Variants in E2F6 observed in about 807,000 individuals in gnomAD.
E2F6 encodes E2F transcription factor 6, also known as transcription factor E2F6.
In E2F6, 19 loss-of-function variants were observed where a neutral mutation model predicts 31.5. The observed-to-expected ratio is 0.60, with a 90% confidence interval of 0.42 to 0.89. The LOEUF (loss-of-function observed/expected upper bound fraction) is 0.89, where lower values mean the gene tolerates loss of function less well. Among genes scored for constraint, E2F6 ranks in the 40% least tolerant of loss-of-function variants. E2F6 has a pLI of 0.00. For synonymous variants in E2F6, 121 were observed against 127.7 expected (o/e 0.95, Z 0.36); for missense variants, 269 against 341.6 (o/e 0.79, Z 1.67).
chr2:11,457,307 A>T, intron 1 of E2F6, 74 bp from the exon 2 acceptor site: 1 of 916,776 alleles, frequency 1.1e-6, no homozygotes, highest in South Asian at 1.4e-5. Context: ...TTTACTCAAT[A>T]GTATAAAGGT....
intron 2 of E2F6, among the ~76,000 whole-genome samples, chr2:11,454,682 C>A (rs1005856115): frequency 1.3e-5 from 2 of 151,884 alleles, no homozygotes; most frequent in African/African-American, 2.4e-5. Context: ...ATATTCACTA[C>A]CCTATATTAA....
chr2:11,462,791 T>A (rs1445100566), intron 1 of E2F6, among the ~76,000 whole-genome samples: 1 of 152,206 alleles, frequency 6.6e-6, no homozygotes, highest in East Asian at 1.9e-4. Flanking sequence ...GCTCAAGATT[T>A]CATGACACTA....
intron 1 of E2F6, among the ~76,000 whole-genome samples, chr2:11,459,919 G>A (rs1045673093): frequency 5.3e-5 from 8 of 152,124 alleles, no homozygotes; most frequent in Non-Finnish European, 1.2e-4. Flanking sequence ...CAGATTGTTT[G>A]CATGCTAGCT....
chr2:11,451,575 C>A, intron 4 of E2F6, 76 bp downstream of exon 4: 1 of 1,376,670 alleles, frequency 7.3e-7, no homozygotes. Context: ...TAAATTAAGT[C>A]CCCAAGCTGA....
At chr2:11,456,140 T>C (rs1671391528) in intron 2 of E2F6, among the ~76,000 whole-genome samples, 1 of 152,236 alleles carries the variant, frequency 6.6e-6, no homozygotes, top group Non-Finnish European at 1.5e-5. Context: ...CTACCCATTC[T>C]CTACTGCCTT....
At chr2:11,451,839 C>G in intron 3 of E2F6, 33 bp from the exon 4 acceptor site, 1 of 1,581,366 alleles carries the variant, frequency 6.3e-7, no homozygotes, top group Non-Finnish European at 8.6e-7. Flanking sequence ...GCATCAATAC[C>G]AACTAGGAGA....
At chr2:11,465,178 C>CAAAAAAAAAAAAAAAAAAAAAAAA (rs59561027) in intron 1 of E2F6, among the ~76,000 whole-genome samples, 3 of 88,592 alleles carry the variant, frequency 3.4e-5, no homozygotes, top group African/African-American at 4.7e-5. Flanking sequence ...AACTCAATCT[C>CAAAAAAAAAAAAAAAAAAAAAAAA]AAAAAAAAAA....
chr2:11,457,007 G>C, intron 2 of E2F6, 172 bp downstream of exon 2: 1 of 588,054 alleles, frequency 1.7e-6, no homozygotes, highest in South Asian at 2.0e-5. Flanking sequence ...TTGTGCACAT[G>C]ATTCAACCCA....
At chr2:11,454,477 T>C (rs1671277902) in intron 2 of E2F6, among the ~76,000 whole-genome samples, 1 of 151,888 alleles carries the variant, frequency 6.6e-6, no homozygotes, top group African/African-American at 2.4e-5. Flanking sequence ...CCGGAGTAGC[T>C]GGGATTACAG....
At chr2:11,465,683 C>G (rs959356576) in intron 1 of E2F6, 89 bp downstream of exon 1, 266 of 1,393,940 alleles carry the variant, frequency 1.9e-4, no homozygotes, top group Admixed American at 3.2e-4. Context: ...ACGACCCAGA[C>G]GACGGCCAGC....
chr2:11,450,537 C>T (rs1441624886), intron 4 of E2F6, among the ~76,000 whole-genome samples: 1 of 151,974 alleles, frequency 6.6e-6, no homozygotes, highest in Non-Finnish European at 1.5e-5. Flanking sequence ...ACACTCAGGG[C>T]TTTGACAAGA....
chr2:11,451,196 A>T (rs564894009), intron 4 of E2F6: 1 of 152,542 alleles, frequency 6.6e-6, no homozygotes, highest in Admixed American at 6.5e-5. Context: ...AAAAATGAAT[A>T]CTCACCATTT....
chr2:11,451,495 C>T, intron 4 of E2F6, 156 bp downstream of exon 4: 1 of 661,628 alleles, frequency 1.5e-6, no homozygotes, highest in Non-Finnish European at 2.3e-6. Flanking sequence ...GGATTACAGC[C>T]ATGTGTGCCA....
At chr2:11,452,842 G>C (rs1671157875) in intron 3 of E2F6, among the ~76,000 whole-genome samples, 1 of 152,126 alleles carries the variant, frequency 6.6e-6, no homozygotes. Flanking sequence ...TAGTAAACAT[G>C]CTCAAATTAG....
intron 6 of E2F6, 116 bp from the exon 7 acceptor site, chr2:11,446,639 C>A (rs905775411): frequency 2.8e-5 from 23 of 831,068 alleles, no homozygotes; most frequent in Non-Finnish European, 4.5e-5. Context: ...CCTGAAGATG[C>A]CTGGTCAAGA....
At chr2:11,459,097 GA>G (rs779196668) in intron 1 of E2F6, among the ~76,000 whole-genome samples, 1,718 of 144,086 alleles carry the variant, frequency 0.012, 5 homozygotes, top group Middle Eastern at 0.035. Context: ...TTCTTGAATG[GA>G]AAAAAAAAAA....
chr2:11,459,783 C>T (rs1014116864), intron 1 of E2F6, among the ~76,000 whole-genome samples: 2 of 152,016 alleles, frequency 1.3e-5, no homozygotes, highest in Non-Finnish European at 2.9e-5. Context: ...ACTTGGGAGG[C>T]TGAGGCAGGA....
Position 11,457,246 on chromosome 2 carries a change from AT to A in E2F6, c.109-14del. On this transcript the variant is annotated splice_polypyrimidine_tract_variant and intron_variant, in intron 1 of 6. Coordinates refer to ENST00000381525, the MANE Select transcript of E2F6 (RefSeq NM_198256.4). ...TTATTTTTGATGGCTGAAAAAAAAG[AT>A]AAAAAATTTAACTTAGTGATTTTAA... is the stretch of plus-strand genomic sequence containing the variant. 2 of 1,492,832 alleles carry A rather than the reference AT, an allele frequency of 1.3e-6. No homozygotes were observed. The highest frequency in any genetic ancestry group is 4.5e-5 in the East Asian group (2 of 44,034). 92.5% of individuals were successfully genotyped at this position (1,492,832 alleles called of 1,614,324 possible). A position where few individuals can be genotyped will look rare whatever the true frequency, so the allele number is the denominator to read the frequency against.
intron 5 of E2F6, 47 bp from the exon 6 acceptor site, chr2:11,447,821 A>T (rs767708204): frequency 5.1e-6 from 8 of 1,578,866 alleles, no homozygotes; most frequent in Non-Finnish European, 6.9e-6. Flanking sequence ...ATAATAAATC[A>T]TATTTTTTCA....
Sources: allele counts gnomAD v4.1 joint callset (sites outside exome capture counted in the v4.1 genomes callset), GRCh38; gene constraint gnomAD v4.1.1; transcripts MANE v1.5; gene names NCBI Gene and HGNC (gene_info 2026-07-23, HGNC 2026-07-21).